Variants in ZNF385D observed in about 807,000 individuals in gnomAD.
ZNF385D encodes zinc finger protein 659.
In ZNF385D, 15 loss-of-function variants were observed where a neutral mutation model predicts 35.8. The ratio of observed to expected loss-of-function variants is 0.42; its 90% CI spans 0.28 to 0.64. The LOEUF is 0.64. Ranked by LOEUF, ZNF385D falls within the 30% of genes least tolerant of loss-of-function variation. The pLI is 0.23. For synonymous variants in ZNF385D, 212 were observed against 186.8 expected (o/e 1.13, Z -1.10); for missense variants, 474 against 494.6 (o/e 0.96, Z 0.39).
At position 22,074,679 on chromosome 3, in the gene ZNF385D, A is replaced by G. The variant is rs546218463; in HGVS notation, c.325+94138T>C. Among the ~76,000 whole-genome samples, 7 of 152,026 alleles carry G rather than the reference A, an allele frequency of 4.6e-5. No individual in the cohort carries two copies. The South Asian group carries it at 6.2e-4, about 13-fold the overall frequency. On this transcript the variant is annotated intron_variant, in intron 3 of 5. Coordinates refer to the ZNF385D transcript ENST00000494108. ...CAAATTTTTATGCTCCCATTCTCCAATGAGGGGTCATTTGATAACCTCACA... is the reference window on the plus strand; with the variant it reads ...CAAATTTTTATGCTCCCATTCTCCAGTGAGGGGTCATTTGATAACCTCACA...
intron 2 of ZNF385D, among the ~76,000 whole-genome samples, chr3:22,313,394 TATAATA>T (rs1559513801): frequency 1.3e-5 from 2 of 152,062 alleles, no homozygotes; most frequent in East Asian, 3.9e-4. Context: ...AAACTTAAAG[TATAATA>T]ATAAAATTTA....
At chr3:21,800,393 C>T (rs1189263361) in intron 3 of ZNF385D, among the ~76,000 whole-genome samples, 1 of 152,136 alleles carries the variant, frequency 6.6e-6, no homozygotes, top group Non-Finnish European at 1.5e-5. Flanking sequence ...AATTTCCTTT[C>T]ATTTACTTAA....
intron 4 of ZNF385D, among the ~76,000 whole-genome samples, chr3:21,482,883 G>C (rs1575021051): frequency 6.6e-6 from 1 of 152,070 alleles, no homozygotes; most frequent in Non-Finnish European, 1.5e-5. Context: ...ATAGTATAGA[G>C]AGAATTTCTG....
chr3:22,123,880 C>CCAAAA (rs199887479), intron 3 of ZNF385D, among the ~76,000 whole-genome samples: 3,906 of 148,182 alleles, frequency 0.026, 184 homozygotes, highest in African/African-American at 0.093. Flanking sequence ...CCAAACCAAA[C>CCAAAA]CAAACCAAAC....
At chr3:22,030,174 C>A (rs1697848175) in intron 3 of ZNF385D, among the ~76,000 whole-genome samples, 1 of 148,370 alleles carries the variant, frequency 6.7e-6, no homozygotes, top group Non-Finnish European at 1.5e-5. Context: ...GGGACTTGGA[C>A]TGGCTCTACT....
chr3:21,735,768 C>T (rs754656521), intron 1 of ZNF385D, among the ~76,000 whole-genome samples: 7 of 152,326 alleles, frequency 4.6e-5, no homozygotes, highest in Non-Finnish European at 1.0e-4. Flanking sequence ...TGGAGAATAT[C>T]TCTCCAACAC....
intron 3 of ZNF385D, among the ~76,000 whole-genome samples, chr3:21,953,054 T>C (rs1200020291): frequency 3.3e-5 from 5 of 152,040 alleles, no homozygotes; most frequent in Admixed American, 1.3e-4. Flanking sequence ...TCCAGCTTTA[T>C]GTGCTTCGTT....
rs578170003 is a variant in ZNF385D at position 21,993,831 on chromosome 3, G to A, written c.325+174986C>T. 1.7e-4 allele frequency among the ~76,000 whole-genome samples: 26 copies of A among 152,232 alleles called. 1 individual carries two copies. In the South Asian group the frequency reaches 2.1e-3, roughly 12 times the overall value. ...CCTTACTCATACATAATGTTTCAGT[G>A]TTTCTGCCATGGTTATACCACAGCT... On this transcript the variant is annotated intron_variant, in intron 3 of 5. Coordinates refer to the ZNF385D transcript ENST00000494108.
Position 21,416,693 on chromosome 3 carries a change from A to G in ZNF385D, c.*4521T>C, listed in dbSNP as rs1487053097. 2.0e-5 allele frequency: 3 copies of G among 152,166 alleles called. No homozygotes were observed. The highest frequency in any genetic ancestry group is 4.4e-5 in the Non-Finnish European group (3 of 68,016). 9.4% of individuals were successfully genotyped at this position (152,166 alleles called of 1,614,324 possible). A position where few individuals can be genotyped will look rare whatever the true frequency, so the allele number is the denominator to read the frequency against. ...CTTTCACTGTTAGGACTCAGTTTAA[A>G]TAATTCCTGTAACAATGACAAGAGC... On this transcript the variant is annotated 3_prime_UTR_variant, in exon 8 of 8. Coordinates refer to ENST00000281523, the MANE Select transcript of ZNF385D (RefSeq NM_024697.3).
At chr3:21,893,114 G>C (rs148564683) in intron 3 of ZNF385D, among the ~76,000 whole-genome samples, 2 of 152,264 alleles carry the variant, frequency 1.3e-5, no homozygotes, top group African/African-American at 4.8e-5. Flanking sequence ...TATCAAGTAA[G>C]TCACGTAACC....
chr3:21,564,922 CTG>C (rs2063089251), intron 2 of ZNF385D, among the ~76,000 whole-genome samples: 1 of 152,144 alleles, frequency 6.6e-6, no homozygotes, highest in Non-Finnish European at 1.5e-5. Context: ...TGCATACTAA[CTG>C]TTTTTCTCAT....
chr3:22,225,545 C>T (rs74618345), intron 2 of ZNF385D, among the ~76,000 whole-genome samples: 2,282 of 152,198 alleles, frequency 0.015, 55 homozygotes, highest in African/African-American at 0.052. Flanking sequence ...GGGGAGGTAA[C>T]ACTGAAGTAT....
At chr3:21,944,381 T>C (rs1256553087) in intron 3 of ZNF385D, among the ~76,000 whole-genome samples, 4 of 152,196 alleles carry the variant, frequency 2.6e-5, no homozygotes, top group Non-Finnish European at 4.4e-5. Context: ...TTATACCCTT[T>C]GGGCAGTCAA....
chr3:21,921,401 G>T (rs1014138594), intron 3 of ZNF385D, among the ~76,000 whole-genome samples: 1 of 152,058 alleles, frequency 6.6e-6, no homozygotes, highest in South Asian at 2.1e-4. Context: ...AATGTATTAA[G>T]AGGTATATAA....
chr3:22,125,198 C>T (rs1703356744), intron 3 of ZNF385D, among the ~76,000 whole-genome samples: 1 of 152,124 alleles, frequency 6.6e-6, no homozygotes, highest in Admixed American at 6.6e-5. Context: ...ATGTTCTTGG[C>T]ACCTTTGTTA....
chr3:22,009,285 G>T (rs1696415290), intron 3 of ZNF385D, among the ~76,000 whole-genome samples: 1 of 148,564 alleles, frequency 6.7e-6, no homozygotes, highest in Non-Finnish European at 1.5e-5. Context: ...AATAAATTGT[G>T]GTATAGTTAT....
At chr3:22,066,146 T>C (rs1045008259) in intron 3 of ZNF385D, among the ~76,000 whole-genome samples, 1 of 143,856 alleles carries the variant, frequency 7.0e-6, no homozygotes, top group African/African-American at 2.4e-5. Context: ...AAAAATACCA[T>C]TTTTTTTCTG....
chr3:22,098,451 A>T (rs987338289), intron 3 of ZNF385D, among the ~76,000 whole-genome samples: 4 of 152,096 alleles, frequency 2.6e-5, no homozygotes, highest in Non-Finnish European at 5.9e-5. Flanking sequence ...CCTTCAATTC[A>T]TTGGAAGAAA....
chr3:22,144,027 T>C (rs6781779), intron 3 of ZNF385D, among the ~76,000 whole-genome samples: 15,331 of 151,764 alleles, frequency 0.1, 1,216 homozygotes, highest in African/African-American at 0.23. Context: ...GAGCATTTTA[T>C]AGAAAGACTG....
Sources: gnomAD v4.1 joint callset for allele counts (sites outside exome capture counted in the v4.1 genomes callset) on GRCh38, gnomAD v4.1.1 for gene constraint, MANE v1.5 for transcripts, NCBI Gene and HGNC (gene_info 2026-07-23, HGNC 2026-07-21) for gene names.